MRTFA: variants seen among roughly 807,000 people sequenced by gnomAD.
The protein encoded by MRTFA is myocardin related transcription factor A, also known as myocardin-related transcription factor A.
Under a neutral mutation model 83.5 loss-of-function variants are expected in MRTFA, and 20 were observed. The observed-to-expected ratio is 0.24, with a 90% CI of 0.17 to 0.35. The LOEUF is 0.35. Among genes scored for constraint, MRTFA ranks in the 10% least tolerant of loss-of-function variants. The probability of loss-of-function intolerance (pLI) is 1.00; values close to 1 mark genes in which losing one functional copy is unlikely to be tolerated. For missense variants in MRTFA, 1,200 were observed against 1,224.7 expected (o/e 0.98, Z 0.30); for synonymous variants, 659 against 541.2 (o/e 1.22, Z -3.02).
At chr22:40,439,652 C>A (rs1569265851) in intron 4 of MRTFA, among the ~76,000 whole-genome samples, 1 of 151,948 alleles carries the variant, frequency 6.6e-6, no homozygotes, top group Non-Finnish European at 1.5e-5. Context: ...GGCCACAGCA[C>A]TAGGTAAAGA....
chr22:40,573,287 C>T (rs2055823709), intron 2 of MRTFA, among the ~76,000 whole-genome samples: 1 of 152,156 alleles, frequency 6.6e-6, no homozygotes, highest in Non-Finnish European at 1.5e-5. Context: ...CTGAATCTTG[C>T]TCTGTCACCC....
intron 3 of MRTFA, among the ~76,000 whole-genome samples, chr22:40,547,442 G>A: frequency 6.6e-6 from 1 of 152,092 alleles, no homozygotes; most frequent in Non-Finnish European, 1.5e-5. Context: ...CATTTGTGCA[G>A]GAACTTCAAT....
At chr22:40,633,241 G>A (rs977092276) in intron 1 of MRTFA, among the ~76,000 whole-genome samples, 2 of 152,060 alleles carry the variant, frequency 1.3e-5, no homozygotes, top group East Asian at 3.8e-4. Context: ...ACAAGAACAC[G>A]GAGTAAATAT....
At chr22:40,461,316 T>C (rs1221992298) in intron 4 of MRTFA, among the ~76,000 whole-genome samples, 1 of 151,710 alleles carries the variant, frequency 6.6e-6, no homozygotes, top group Non-Finnish European at 1.5e-5. Context: ...GGTAGGTCCA[T>C]TCTGACTTGC....
At chr22:40,587,987 T>A in intron 2 of MRTFA, 1 of 244,964 alleles carries the variant, frequency 4.1e-6, no homozygotes, top group South Asian at 7.4e-5. Context: ...TAACAGTGGA[T>A]CAGCACATCC....
intron 3 of MRTFA, among the ~76,000 whole-genome samples, chr22:40,518,203 C>G (rs1569307741): frequency 6.6e-6 from 1 of 152,088 alleles, no homozygotes; most frequent in African/African-American, 2.4e-5. Context: ...TGAGGAGAGG[C>G]TTGTGGAAAC....
intron 3 of MRTFA, among the ~76,000 whole-genome samples, chr22:40,491,850 A>G (rs1164189920): frequency 2.6e-5 from 4 of 152,230 alleles, no homozygotes; most frequent in African/African-American, 9.6e-5. Flanking sequence ...ACAAACTTTA[A>G]TACAAATCCT....
intron 2 of MRTFA, among the ~76,000 whole-genome samples, chr22:40,580,428 G>A (rs966024582): frequency 6.6e-6 from 1 of 152,044 alleles, no homozygotes; most frequent in Non-Finnish European, 1.5e-5. Flanking sequence ...CAAACTCCTA[G>A]CCTCAATCGA....
chr22:40,508,392 A>C (rs1898205175), intron 3 of MRTFA, among the ~76,000 whole-genome samples: 1 of 151,466 alleles, frequency 6.6e-6, no homozygotes, highest in South Asian at 2.1e-4. Flanking sequence ...CATGCCTGTA[A>C]TTTCAGCTAC....
intron 1 of MRTFA, among the ~76,000 whole-genome samples, chr22:40,611,262 G>A (rs1190846267): frequency 6.6e-6 from 1 of 151,220 alleles, no homozygotes; most frequent in African/African-American, 2.4e-5. Context: ...TATTTTTAGA[G>A]GTCTTGCTCT....
intron 3 of MRTFA, among the ~76,000 whole-genome samples, chr22:40,542,713 G>A (rs907981110): frequency 6.6e-6 from 1 of 152,092 alleles, no homozygotes; most frequent in Non-Finnish European, 1.5e-5. Flanking sequence ...CAACTAAGGA[G>A]AAAGTAAATA....
At chr22:40,603,549 G>GA (rs1366051746) in intron 1 of MRTFA, among the ~76,000 whole-genome samples, 1 of 146,506 alleles carries the variant, frequency 6.8e-6, no homozygotes, top group Non-Finnish European at 1.5e-5. Context: ...TTAGCACATG[G>GA]AAATTCACCA....
chr22:40,469,502 G>A (rs950100024), intron 3 of MRTFA, among the ~76,000 whole-genome samples: 2 of 152,134 alleles, frequency 1.3e-5, no homozygotes, highest in African/African-American at 2.4e-5. Flanking sequence ...GAAAAACCAT[G>A]AGCCAAATAA....
intron 4 of MRTFA, among the ~76,000 whole-genome samples, chr22:40,447,062 A>T (rs949191645): frequency 2.6e-5 from 4 of 152,108 alleles, no homozygotes; most frequent in Non-Finnish European, 5.9e-5. Context: ...ACTTTCTGAT[A>T]AGGTGACATT....
Position 40,410,796 on chromosome 22 carries a change from T to G in MRTFA, c.*594A>C, listed in dbSNP as rs1463840464. 1 of 232,128 alleles carries G rather than the reference T, an allele frequency of 4.3e-6. No individual in the cohort carries two copies. Among genetic ancestry groups the G allele is most frequent in the Non-Finnish European group, 8.5e-6 (1 of 117,618 alleles). The allele number at this position is 232,128 out of a possible 1,614,324, so 14.4% of individuals were successfully genotyped here. ...CTGTCCGCCCCCCCCCAAAAATATA[T>G]ATGTATGTCGATATATAATATAGAG... is the stretch of plus-strand genomic sequence containing the variant. On this transcript the variant is annotated 3_prime_UTR_variant, in exon 15 of 15. Coordinates refer to ENST00000355630, the MANE Select transcript of MRTFA (RefSeq NM_020831.6).
chr22:40,443,139 C>G (rs1210919375), intron 4 of MRTFA, among the ~76,000 whole-genome samples: 1 of 152,114 alleles, frequency 6.6e-6, no homozygotes, highest in African/African-American at 2.4e-5. Flanking sequence ...GTAATCCCAA[C>G]TCCTCAGGAG....
intron 1 of MRTFA, among the ~76,000 whole-genome samples, chr22:40,620,565 C>T (rs1224300265): frequency 1.3e-5 from 2 of 151,738 alleles, no homozygotes; most frequent in Non-Finnish European, 2.9e-5. Flanking sequence ...TGAGCCACTG[C>T]ACCCAGCCAA....
At chr22:40,543,896 A>C (rs1462312249) in intron 3 of MRTFA, among the ~76,000 whole-genome samples, 2 of 152,238 alleles carry the variant, frequency 1.3e-5, no homozygotes, top group Non-Finnish European at 2.9e-5. Flanking sequence ...CTTGAACAAG[A>C]ACAAGGTGGG....
chr22:40,487,044 AAG>A (rs1466743052), intron 3 of MRTFA, among the ~76,000 whole-genome samples: 3 of 152,176 alleles, frequency 2.0e-5, no homozygotes, highest in African/African-American at 4.8e-5. Flanking sequence ...AGACTAACAA[AAG>A]AGTGTAAACT....
Sources: allele counts gnomAD v4.1 joint callset (sites outside exome capture counted in the v4.1 genomes callset), GRCh38; gene constraint gnomAD v4.1.1; transcripts MANE v1.5; gene names NCBI Gene and HGNC (gene_info 2026-07-23, HGNC 2026-07-21).